The following LYN variants were observed in gnomAD, a reference collection of about 807,000 sequenced individuals.
The protein encoded by LYN is LYN proto-oncogene, Src family tyrosine kinase, also known as tyrosine-protein kinase Lyn.
A neutral mutation model predicts 65.0 loss-of-function variants in LYN; 12 were observed. The ratio of observed to expected loss-of-function variants is 0.18; its 90% CI spans 0.12 to 0.30. LYN has a LOEUF of 0.30. Among genes scored for constraint, LYN ranks in the 10% least tolerant of loss-of-function variants. The probability of loss-of-function intolerance (pLI) is 1.00; values close to 1 mark genes in which losing one functional copy is unlikely to be tolerated. For missense variants in LYN, 380 were observed against 623.2 expected (o/e 0.61, Z 4.16); for synonymous variants, 222 against 221.2 (o/e 1.00, Z -0.03).
intron 1 of LYN, among the ~76,000 whole-genome samples, chr8:55,890,122 A>T (rs1452547778): frequency 6.8e-6 from 1 of 148,014 alleles, no homozygotes; most frequent in Non-Finnish European, 1.5e-5. Flanking sequence ...ATAGACAAAA[A>T]AAAAAAAAAA....
chr8:55,986,631 C>T (rs1417908199), intron 10 of LYN, among the ~76,000 whole-genome samples: 1 of 152,216 alleles, frequency 6.6e-6, no homozygotes, highest in African/African-American at 2.4e-5. Context: ...CAGAAATCTC[C>T]ACCAGCCCTA....
chr8:55,997,811 G>A (rs944053596), intron 10 of LYN, among the ~76,000 whole-genome samples: 5 of 152,284 alleles, frequency 3.3e-5, no homozygotes, highest in East Asian at 1.9e-4. Context: ...ATGGCCAGGC[G>A]CGGTGGCTCA....
In LYN at chr8:55,966,721, A is replaced by G; in HGVS notation, c.797A>G (p.Tyr266Cys). 6.2e-7 allele frequency: 1 copy of G among 1,612,506 alleles called. No homozygotes were observed. Among genetic ancestry groups the G allele is most frequent in the South Asian group, 1.1e-5 (1 of 90,842 alleles). ...GQFGEVWMGY[Y>C]NNSTKVAVKT... Reference sequence around the variant, plus strand: ...CCTTCTTTTTTCTTCCTAGGTTACTATAACAACAGTACCAAGGTGGCTGTG... The same window carrying G: ...CCTTCTTTTTTCTTCCTAGGTTACTGTAACAACAGTACCAAGGTGGCTGTG... Residue 266 changes from tyrosine (Y) to cysteine (C), a missense_variant, in exon 9 of 13, where the codon TAT (tyrosine) becomes TGT (cysteine). Transcript: ENST00000519728.
intron 2 of LYN, among the ~76,000 whole-genome samples, chr8:55,945,972 A>T (rs909008888): frequency 6.6e-6 from 1 of 152,182 alleles, no homozygotes; most frequent in Non-Finnish European, 1.5e-5. Context: ...TTTGCTTTCT[A>T]TGTGAAGACT....
At chr8:55,942,331 GTATA>G (rs111298995) in intron 2 of LYN, among the ~76,000 whole-genome samples, 1 of 129,370 alleles carries the variant, frequency 7.7e-6, no homozygotes, top group Non-Finnish European at 1.6e-5. Flanking sequence ...ATATATATGT[GTATA>G]TATATATGTG....
intron 8 of LYN, among the ~76,000 whole-genome samples, chr8:55,964,971 C>G (rs1475295246): frequency 2.0e-5 from 3 of 152,148 alleles, no homozygotes; most frequent in Non-Finnish European, 4.4e-5. Context: ...TTTTGCGCAC[C>G]AGGCAGCAGG....
At chr8:55,982,371 A>G (rs1440739961) in intron 10 of LYN, among the ~76,000 whole-genome samples, 1 of 152,052 alleles carries the variant, frequency 6.6e-6, no homozygotes, top group Non-Finnish European at 1.5e-5. Context: ...CCATTTCAAA[A>G]AGTTTTGAAT....
chr8:55,931,627 T>C (rs2130452593), intron 1 of LYN, among the ~76,000 whole-genome samples: 1 of 152,184 alleles, frequency 6.6e-6, no homozygotes, highest in South Asian at 2.1e-4. Context: ...GATATCATGC[T>C]ATATATACTG....
chr8:55,922,540 C>T (rs958633759), intron 1 of LYN, among the ~76,000 whole-genome samples: 7 of 152,042 alleles, frequency 4.6e-5, no homozygotes, highest in East Asian at 1.9e-4. Context: ...TTTGGGAGGC[C>T]GAGGCGGGTG....
chr8:56,008,449 AC>A (rs1364598952), intron 12 of LYN, among the ~76,000 whole-genome samples: 5 of 152,224 alleles, frequency 3.3e-5, no homozygotes, highest in African/African-American at 1.2e-4. Context: ...TGCATGACAT[AC>A]ATTCTTCTCT....
chr8:55,971,833 T>A (rs954813507), intron 10 of LYN, among the ~76,000 whole-genome samples: 2 of 152,216 alleles, frequency 1.3e-5, no homozygotes, highest in Admixed American at 1.3e-4. Flanking sequence ...AAGAGTAATT[T>A]TTCTAACCTA....
At chr8:55,882,469 A>G (rs907324883) in intron 1 of LYN, among the ~76,000 whole-genome samples, 2 of 152,226 alleles carry the variant, frequency 1.3e-5, no homozygotes, top group African/African-American at 4.8e-5. Flanking sequence ...TCATGTACAA[A>G]CCCATACTAA....
At chr8:55,917,910 CAT>C (rs1805825443) in intron 1 of LYN, among the ~76,000 whole-genome samples, 1 of 152,148 alleles carries the variant, frequency 6.6e-6, no homozygotes, top group African/African-American at 2.4e-5. Context: ...AACTTAATGA[CAT>C]GTTGTATTCA....
At chr8:56,004,583 C>T (rs892757990) in intron 12 of LYN, among the ~76,000 whole-genome samples, 12 of 152,032 alleles carry the variant, frequency 7.9e-5, no homozygotes, top group African/African-American at 2.4e-4. Context: ...CATGAGCCAC[C>T]GTGTGCAGCC....
rs753821913 is a variant in LYN at position 55,998,513 on chromosome 8, A to G, written c.1204+14A>G. 4 of 1,596,246 alleles carry G rather than the reference A, an allele frequency of 2.5e-6. No homozygotes were observed. Among genetic ancestry groups the G allele is most frequent in the East Asian group, 2.3e-5 (1 of 44,416 alleles). On this transcript the variant is annotated intron_variant, in intron 11 of 12. Coordinates refer to ENST00000519728, the MANE Select transcript of LYN (RefSeq NM_002350.4). ...CAGCAAGGGAAGGTATGTTGCACTA[A>G]TGATCTTTAGATGTTTTATTATTGT...
intron 10 of LYN, among the ~76,000 whole-genome samples, chr8:55,979,335 C>T (rs530171881): frequency 3.2e-4 from 48 of 152,294 alleles, no homozygotes; most frequent in African/African-American, 1.1e-3. Flanking sequence ...AGCCACCGTG[C>T]CCAGCCTCAT....
intron 1 of LYN, among the ~76,000 whole-genome samples, chr8:55,889,567 A>G (rs1434702647): frequency 2.6e-5 from 4 of 152,178 alleles, no homozygotes; most frequent in Admixed American, 2.6e-4. Flanking sequence ...GAATACCAAC[A>G]TAAATAAGTG....
chr8:56,009,830 G>T, intron 12 of LYN, 78 bp from the exon 13 acceptor site: 2 of 1,146,994 alleles, frequency 1.7e-6, no homozygotes, highest in Non-Finnish European at 2.6e-6. Context: ...GGAGCAAAAA[G>T]ACCACTGCAG....
intron 1 of LYN, among the ~76,000 whole-genome samples, chr8:55,936,288 C>T (rs1806435001): frequency 6.6e-6 from 1 of 152,184 alleles, no homozygotes; most frequent in Non-Finnish European, 1.5e-5. Flanking sequence ...ATTCAGAAAA[C>T]TCATGGATCT....
Sources: gnomAD v4.1 joint callset for allele counts (sites outside exome capture counted in the v4.1 genomes callset) on GRCh38, gnomAD v4.1.1 for gene constraint, MANE v1.5 for transcripts, NCBI Gene and HGNC (gene_info 2026-07-23, HGNC 2026-07-21) for gene names.